The following KCTD21 variants were observed in gnomAD, a reference collection of about 807,000 sequenced individuals.
KCTD21 encodes the protein potassium channel tetramerization domain containing 21, also known as BTB/POZ domain-containing protein KCTD21.
Under a neutral mutation model 13.2 loss-of-function variants are expected in KCTD21, and 9 were observed. The observed-to-expected ratio is 0.68, with a 90% CI of 0.41 to 1.19. The LOEUF is 1.19. Ranked by LOEUF, KCTD21 falls within the 50% of genes most tolerant of loss-of-function variation. KCTD21 has a pLI of 0.01. For synonymous variants in KCTD21, 142 were observed against 137.4 expected, an observed-to-expected ratio of 1.03 and a Z score of -0.23; for missense variants, 303 against 336.5, an observed-to-expected ratio of 0.90 and a Z score of 0.78.
Position 78,188,392 on chromosome 11 carries a change from G to C in KCTD21, c.-30+181C>G, listed in dbSNP as rs1862879281. 4.1e-6 allele frequency: 4 copies of C among 985,302 alleles called. No homozygotes were observed. In the South Asian group the frequency reaches 1.9e-4, roughly 46 times the overall value. 61.0% of individuals were successfully genotyped at this position (985,302 alleles called of 1,614,324 possible). On this transcript the variant is annotated intron_variant, in intron 1 of 1. Transcript: ENST00000340067. ...CCCCTCTAAGAGCTCTGCCCACTTC[G>C]GCTCACCTCGCTCCGAAACGCGCCC...
At position 78,173,901 on chromosome 11, in the gene KCTD21, G is replaced by A. The variant is rs1210862221; in HGVS notation, c.654C>T (p.Asn218=). 3 of 1,614,104 alleles carry A rather than the reference G, an allele frequency of 1.9e-6. No homozygotes were observed. Among genetic ancestry groups the A allele is most frequent in the Non-Finnish European group, 1.7e-6 (2 of 1,180,048 alleles). Residue 218 remains asparagine, a synonymous_variant, in exon 2 of 2, where the codon AAC becomes AAT. Coordinates refer to ENST00000340067, the MANE Select transcript of KCTD21 (RefSeq NM_001029859.3). The part of the protein sequence containing the change: ...LWVVPANKQI[N]SFQVFVEEVL... ...CCTCTTCCACGAAGACCTGGAAGCT[G>A]TTGATCTGCTTGTTGGCGGGCACCA...
In KCTD21 at chr11:78,174,374, TGAG is replaced by T. The variant is rs764923008; in HGVS notation, c.178_180del (p.Leu60del). 1 of 1,613,856 alleles carries T rather than the reference TGAG, an allele frequency of 6.2e-7. No homozygotes were observed. The highest frequency in any genetic ancestry group is 2.2e-5 in the East Asian group (1 of 44,842). On this transcript the variant is annotated inframe_deletion, in exon 2 of 2. Coordinates refer to ENST00000340067, the MANE Select transcript of KCTD21 (RefSeq NM_001029859.3). ...TCAAGGTGGGAGGTCCGCAGGAAGT[TGAG>T]GATATAGCGGAACACTTTGCCGTCA...
chr11:78,183,310 C>A (rs1484016160), intron 1 of KCTD21, among the ~76,000 whole-genome samples: 1 of 152,124 alleles, frequency 6.6e-6, no homozygotes, highest in East Asian at 1.9e-4. Context: ...CCGAGGCGGG[C>A]GGATCACCTG....
At position 78,185,763 on chromosome 11, in the gene KCTD21, T is replaced by C. The variant is rs1190099178; in HGVS notation, c.-30+2810A>G. 2.0e-5 allele frequency among the ~76,000 whole-genome samples: 3 copies of C among 152,146 alleles called. No individual in the cohort carries two copies. The South Asian group carries it at 6.2e-4, about 32-fold the overall frequency. On this transcript the variant is annotated intron_variant, in intron 1 of 1. Transcript: ENST00000340067. ...CGTGCCACCATGCCCGGCTAATTTTTGTATTTTTAGTAGAGACGGGGTTTC... is the reference window on the plus strand; with the variant it reads ...CGTGCCACCATGCCCGGCTAATTTTCGTATTTTTAGTAGAGACGGGGTTTC...
intron 1 of KCTD21, among the ~76,000 whole-genome samples, chr11:78,182,603 T>C (rs1444216618): frequency 6.6e-6 from 1 of 152,210 alleles, no homozygotes; most frequent in Non-Finnish European, 1.5e-5. Flanking sequence ...CTTACAACTC[T>C]GGGACCCAGG....
chr11:78,186,326 C>T (rs954162413), intron 1 of KCTD21, among the ~76,000 whole-genome samples: 1 of 127,772 alleles, frequency 7.8e-6, no homozygotes, highest in Non-Finnish European at 1.6e-5. Context: ...AAGCCGAGAT[C>T]ACGCCACTGC....
intron 1 of KCTD21, 178 bp from the exon 2 acceptor site, chr11:78,174,761 G>C: frequency 2.1e-6 from 1 of 487,324 alleles, no homozygotes; most frequent in Admixed American, 3.7e-5. Context: ...TAGGGAGAGG[G>C]AAAGGAGAAA....
intron 1 of KCTD21, chr11:78,177,916 C>G (rs1862500617): frequency 6.6e-6 from 1 of 152,238 alleles, no homozygotes; most frequent in South Asian, 2.1e-4. Context: ...TCTTATTTCT[C>G]TGCTTGCAAA....
intron 1 of KCTD21, chr11:78,175,374 A>G (rs562062967): frequency 6.6e-6 from 1 of 152,188 alleles, no homozygotes; most frequent in South Asian, 2.1e-4. Context: ...CAGACAATAT[A>G]ATCATCCATT....
At chr11:78,187,451 T>G (rs905276417) in intron 1 of KCTD21, 7 of 985,048 alleles carry the variant, frequency 7.1e-6, no homozygotes, top group Non-Finnish European at 8.4e-6. Context: ...GAGAGAAAGG[T>G]GGGCTGGAAG....
At chr11:78,187,273 T>C in intron 1 of KCTD21, 1 of 985,312 alleles carries the variant, frequency 1.0e-6, no homozygotes, top group Non-Finnish European at 1.2e-6. Flanking sequence ...TCACCTCCTC[T>C]TCCTGACCAC....
intron 1 of KCTD21, among the ~76,000 whole-genome samples, chr11:78,177,402 TC>T (rs1394302545): frequency 6.6e-6 from 1 of 151,852 alleles, no homozygotes; most frequent in East Asian, 1.9e-4. Context: ...GGTGGGGAGG[TC>T]CCACAGAGGT....
intron 1 of KCTD21, among the ~76,000 whole-genome samples, chr11:78,176,483 G>A (rs1218569982): frequency 1.3e-5 from 2 of 152,216 alleles, no homozygotes; most frequent in Non-Finnish European, 2.9e-5. Flanking sequence ...GGAGATCTCA[G>A]CTCCAGCTTC....
intron 1 of KCTD21, chr11:78,188,239 C>T (rs1403943414): frequency 2.2e-6 from 2 of 891,640 alleles, no homozygotes; most frequent in Non-Finnish European, 2.7e-6. Flanking sequence ...CTGACAAGTG[C>T]CCCACCCCCA....
Position 78,187,027 on chromosome 11 carries a change from C to G in KCTD21, c.-30+1546G>C, listed in dbSNP as rs73505300. On this transcript the variant is annotated intron_variant, in intron 1 of 1. Transcript: ENST00000340067. ...CTTTTTAATTTTGAAATGCTCTGTT[C>G]AATTTTCAATCTGGAATCTAAAGGG... 0.01 allele frequency: 10,327 copies of G among 985,358 alleles called. 661 individuals are homozygous for G. In the African/African-American group the frequency reaches 0.15, roughly 14 times the overall value. 61.0% of individuals were successfully genotyped at this position (985,358 alleles called of 1,614,324 possible). A position where few individuals can be genotyped will look rare whatever the true frequency, so the allele number is the denominator to read the frequency against.
chr11:78,180,373 A>C (rs1862579046), intron 1 of KCTD21, among the ~76,000 whole-genome samples: 1 of 150,694 alleles, frequency 6.6e-6, no homozygotes, highest in South Asian at 2.1e-4. Flanking sequence ...ATTAAAAAAC[A>C]CATAAAGCTG....
In KCTD21 at chr11:78,173,793, A is replaced by C. The variant is rs972004623; in HGVS notation, c.762T>G (p.Ile254Met). The change falls in exon 2 of 2, where the codon ATT (isoleucine) becomes ATG (methionine). Residue 254 changes from isoleucine (I) to methionine (M), a missense_variant. Physicochemically the swap from Ile to Met is conservative, Grantham distance 10 (BLOSUM62 1). Transcript: ENST00000340067. ...HALDFMNNKI[I>M]RLIRYR The stretch of plus-strand genomic sequence containing the variant: ...CCTTTTACCTGTACCGTATTAATCG[A>C]ATAATCTTATTGTTCATAAAATCCA... The C allele has an allele frequency of 1.2e-6, 2 of 1,613,314 alleles. No homozygotes were observed. Among genetic ancestry groups the C allele is most frequent in the Non-Finnish European group, 1.7e-6 (2 of 1,179,476 alleles).
At chr11:78,182,715 T>G (rs534990980) in intron 1 of KCTD21, among the ~76,000 whole-genome samples, 1 of 152,110 alleles carries the variant, frequency 6.6e-6, no homozygotes, top group South Asian at 2.1e-4. Context: ...GACCTCAGAG[T>G]CATGGCCTCT....
chr11:78,174,188 C>G lies in KCTD21; in HGVS notation c.367G>C (p.Val123Leu). Residue 123 changes from valine (V) to leucine (L), a missense_variant, in exon 2 of 2, where the codon GTC becomes CTC. By Grantham distance (32) the Val-to-Leu change is conservative. Transcript: ENST00000340067. ...NITLNQRVQT[V>L]HFTVREAPQI... ...GGTGCCTCGCGCACAGTGAAGTGGA[C>G]CGTCTGCACACGCTGGTTCAGTGTG... The G allele has an allele frequency of 6.2e-7, 1 of 1,614,042 alleles. No homozygotes were observed. Among genetic ancestry groups the G allele is most frequent in the Non-Finnish European group, 8.5e-7 (1 of 1,180,000 alleles).
Sources: gnomAD v4.1 joint callset for allele counts (sites outside exome capture counted in the v4.1 genomes callset) on GRCh38, gnomAD v4.1.1 for gene constraint, MANE v1.5 for transcripts, NCBI Gene and HGNC (gene_info 2026-07-23, HGNC 2026-07-21) for gene names.